The following PCDHGA8 variants were observed in gnomAD, a reference collection of about 807,000 sequenced individuals.
The protein encoded by PCDHGA8 is protocadherin gamma subfamily A, 8, also known as protocadherin gamma-A8.
Under a neutral mutation model 59.2 loss-of-function variants are expected in PCDHGA8, and 45 were observed. The ratio of observed to expected loss-of-function variants is 0.76; its 90% CI spans 0.60 to 0.98. PCDHGA8 has a LOEUF of 0.98. Ranked by LOEUF, PCDHGA8 falls within the 50% of genes least tolerant of loss-of-function variation. The pLI is 0.00. For missense variants in PCDHGA8, 1,257 were observed against 1,196.2 expected, an observed-to-expected ratio of 1.05 and a Z score of -0.75; for synonymous variants, 531 against 519.0, an observed-to-expected ratio of 1.02 and a Z score of -0.32.
At chr5:141,419,757 G>C in intron 1 of PCDHGA8, 1 of 1,613,994 alleles carries the variant, frequency 6.2e-7, no homozygotes, top group Non-Finnish European at 8.5e-7. Flanking sequence ...CGTGCTTTGG[G>C]TGACAAGGAC....
Position 141,432,849 on chromosome 5 carries a change from T to G in PCDHGA8, c.2424+37612T>G. The G allele has an allele frequency of 1.2e-6, 2 of 1,614,194 alleles. No homozygotes were observed. The highest frequency in any genetic ancestry group is 2.2e-5 in the South Asian group (2 of 91,092). ...CTCACTCTGTACCTGGTGGTAGCGG[T>G]GGCCGCGGTCTCCTGCGTCTTCCTG... On this transcript the variant is annotated intron_variant, in intron 1 of 3. Coordinates refer to ENST00000398604, the MANE Select transcript of PCDHGA8 (RefSeq NM_032088.2). This position sits in a 1 kb window ranked among gnomAD's most constrained non-coding sequence, Gnocchi z 6.0.
chr5:141,441,102 C>A (rs1057297804), intron 1 of PCDHGA8: 2 of 152,148 alleles, frequency 1.3e-5, no homozygotes, highest in Non-Finnish European at 2.9e-5. Flanking sequence ...GAGAGGGACT[C>A]ATTGTCCAGT....
At chr5:141,495,841 G>A (rs1187067340) in intron 2 of PCDHGA8, among the ~76,000 whole-genome samples, 1 of 151,864 alleles carries the variant, frequency 6.6e-6, no homozygotes, top group Non-Finnish European at 1.5e-5. Context: ...CAGCCTCTAT[G>A]TTTCTCTGTC....
In PCDHGA8 at chr5:141,399,312, A is replaced by C. The variant is rs142753281; in HGVS notation, c.2424+4075A>C. 774 of 1,613,972 alleles carry C rather than the reference A, an allele frequency of 4.8e-4. 4 individuals carry two copies. The African/African-American group carries it at 8.9e-3, about 19-fold the overall frequency. ...CTTTTAAGATTATCTCTTCATCCAAAAATTCGTATAAGTTGGTAACAGATG... is the reference window on the plus strand; with the variant it reads ...CTTTTAAGATTATCTCTTCATCCAACAATTCGTATAAGTTGGTAACAGATG... On this transcript the variant is annotated intron_variant, in intron 1 of 3. Transcript: ENST00000398604.
chr5:141,401,654 G>T (rs566223613), intron 1 of PCDHGA8, among the ~76,000 whole-genome samples: 52 of 152,328 alleles, frequency 3.4e-4, no homozygotes, highest in Middle Eastern at 3.4e-3. Flanking sequence ...TAAATGACTG[G>T]ATGTTTTCTC....
chr5:141,494,182 C>A (rs188628485), intron 1 of PCDHGA8, among the ~76,000 whole-genome samples: 1 of 152,126 alleles, frequency 6.6e-6, no homozygotes, highest in Non-Finnish European at 1.5e-5. Context: ...AGAAGTGTCC[C>A]GGGACTTGGA....
At chr5:141,434,533 C>T (rs6862159) in intron 1 of PCDHGA8, among the ~76,000 whole-genome samples, 18,539 of 152,264 alleles carry the variant, frequency 0.12, 1,259 homozygotes, top group Non-Finnish European at 0.16. Flanking sequence ...AAACCACAAA[C>T]AATAGCATGA....
intron 1 of PCDHGA8, chr5:141,398,970 C>G (rs1320199481): frequency 6.2e-7 from 1 of 1,613,958 alleles, no homozygotes; most frequent in South Asian, 1.1e-5. Flanking sequence ...CTTATTCCTT[C>G]TACAGAACCG....
At position 141,477,592 on chromosome 5, in the gene PCDHGA8, T is replaced by G; in HGVS notation, c.2425-17215T>G. On this transcript the variant is annotated intron_variant, in intron 1 of 3. Coordinates refer to ENST00000398604, the MANE Select transcript of PCDHGA8 (RefSeq NM_032088.2). The surrounding 1 kb of genome is among the most constrained non-coding windows in gnomAD (Gnocchi z 4.9). ...CCGACGCCCCGCAGAATGCTCGGCT[T>G]TCTTTCTTTCTCTTGGAGCAAGGAG... The G allele has an allele frequency of 6.2e-7, 1 of 1,614,142 alleles. No homozygotes were observed. Among genetic ancestry groups the G allele is most frequent in the Non-Finnish European group, 8.5e-7 (1 of 1,180,014 alleles).
At chr5:141,463,741 C>T (rs1011021860) in intron 1 of PCDHGA8, among the ~76,000 whole-genome samples, 3 of 152,034 alleles carry the variant, frequency 2.0e-5, no homozygotes, top group Admixed American at 1.3e-4. Context: ...CCACCGCGCC[C>T]GGCCTGCTTC....
chr5:141,484,230 G>A (rs1325484143), intron 1 of PCDHGA8, among the ~76,000 whole-genome samples: 2 of 152,174 alleles, frequency 1.3e-5, no homozygotes, highest in Non-Finnish European at 2.9e-5. Flanking sequence ...CAGGTAAAGA[G>A]ATCTGGTCCT....
At chr5:141,410,366 G>A (rs3749767) in intron 1 of PCDHGA8, 379,797 of 1,613,758 alleles carry the variant, frequency 0.24, 48,670 homozygotes, top group African/African-American at 0.5. Context: ...TCTCAGCCCT[G>A]CTACTTGGGA....
rs1210499024 is a variant in PCDHGA8 at position 141,431,784 on chromosome 5, A to T, written c.2424+36547A>T. ...CTGATCACTGTTCTGGACGTGAACG[A>T]CAATGCCCCAGAAGTGGTCCTCACC... On this transcript the variant is annotated intron_variant, in intron 1 of 3. Transcript: ENST00000398604. This position sits in a 1 kb window ranked among gnomAD's most constrained non-coding sequence, Gnocchi z 4.8. The T allele has an allele frequency of 6.2e-7, 1 of 1,614,102 alleles. No homozygotes were observed. The highest frequency in any genetic ancestry group is 8.5e-7 in the Non-Finnish European group (1 of 1,180,030).
intron 1 of PCDHGA8, chr5:141,409,169 G>A (rs371896881): frequency 3.5e-5 from 56 of 1,613,906 alleles, no homozygotes; most frequent in Non-Finnish European, 4.2e-5. Flanking sequence ...GGAAGCGAAG[G>A]ACGGAGGTGG....
At chr5:141,450,829 A>T (rs187691791) in intron 1 of PCDHGA8, among the ~76,000 whole-genome samples, 19,077 of 135,014 alleles carry the variant, frequency 0.14, 1,595 homozygotes, top group African/African-American at 0.24. Context: ...TATTATTATT[A>T]TTTTTTTTTT....
intron 1 of PCDHGA8, chr5:141,419,810 C>G (rs368168278): frequency 1.7e-5 from 27 of 1,613,946 alleles, no homozygotes; most frequent in Non-Finnish European, 2.1e-5. Context: ...AGATGGAGGA[C>G]AGCCACCCCT....
intron 3 of PCDHGA8, among the ~76,000 whole-genome samples, chr5:141,507,518 A>T (rs1323767789): frequency 6.6e-6 from 1 of 152,132 alleles, no homozygotes; most frequent in African/African-American, 2.4e-5. Flanking sequence ...TGGGGCTATG[A>T]TTCCAGAGAG....
intron 1 of PCDHGA8, among the ~76,000 whole-genome samples, chr5:141,426,099 G>A (rs1590666889): frequency 1.3e-5 from 2 of 152,348 alleles, no homozygotes; most frequent in African/African-American, 4.8e-5. Context: ...ATTCTGTTCA[G>A]TCACAGAAGC....
chr5:141,489,086 G>A lies in PCDHGA8; in HGVS notation c.2425-5721G>A, dbSNP rs2233599. ...CCCCCCTGCCCACCCCCGCCACTCG[G>A]TGACTAAGAACTGCTGCAAGCAGGC... On this transcript the variant is annotated intron_variant, in intron 1 of 3. Coordinates refer to ENST00000398604, the MANE Select transcript of PCDHGA8 (RefSeq NM_032088.2). The surrounding 1 kb of genome is among the most constrained non-coding windows in gnomAD (Gnocchi z 4.5). 2.2e-3 allele frequency: 754 copies of A among 340,206 alleles called. 5 individuals carry two copies. Among genetic ancestry groups the A allele is most frequent in the African/African-American group, 0.018 (712 of 39,726 alleles). 21.1% of individuals were successfully genotyped at this position (340,206 alleles called of 1,614,324 possible).
Sources: gnomAD v4.1 joint callset for allele counts (sites outside exome capture counted in the v4.1 genomes callset) on GRCh38, gnomAD v4.1.1 for gene constraint, Gnocchi (gnomAD v3.1) non-coding constraint, MANE v1.5 for transcripts, NCBI Gene and HGNC (gene_info 2026-07-23, HGNC 2026-07-21) for gene names.